The following MTHFS variants were observed in gnomAD, a reference collection of about 807,000 sequenced individuals.
MTHFS encodes methenyltetrahydrofolate synthetase.
MTHFS carries 7 observed loss-of-function variants against 12.7 expected under a neutral mutation model. The ratio of observed to expected loss-of-function variants is 0.55; its 90% CI spans 0.31 to 1.03. The LOEUF (loss-of-function observed/expected upper bound fraction) is 1.03. Among genes scored for constraint, MTHFS ranks in the 50% least tolerant of loss-of-function variants. The pLI is 0.05. For synonymous variants in MTHFS, 100 were observed against 97.1 expected (o/e 1.03, Z -0.18); for missense variants, 252 against 258.1 (o/e 0.98, Z 0.16).
chr15:79,896,855 T>A lies in MTHFS; in HGVS notation c.117+17A>T, dbSNP rs1488308041. 1.3e-6 allele frequency: 2 copies of A among 1,541,102 alleles called. No homozygotes were observed. Among genetic ancestry groups the A allele is most frequent in the Non-Finnish European group, 1.7e-6 (2 of 1,146,100 alleles). On this transcript the variant is annotated intron_variant, in intron 1 of 2. Transcript: ENST00000258874. ...AGGGTCTGTCCGCCGCGGCTTCCGC[T>A]ACGGGCGGCCTCGCACCTTCTGGCT...
chr15:79,855,909 G>C (rs540944638), intron 2 of MTHFS, among the ~76,000 whole-genome samples: 5 of 152,062 alleles, frequency 3.3e-5, no homozygotes, highest in Admixed American at 3.3e-4. Context: ...TCTTTATTCA[G>C]TCCACTATTG....
chr15:79,888,367 T>C (rs563003711), intron 2 of MTHFS, among the ~76,000 whole-genome samples: 67 of 152,306 alleles, frequency 4.4e-4, no homozygotes, highest in African/African-American at 1.6e-3. Context: ...CTAAGGGCAA[T>C]AGTAAGTCAC....
intron 2 of MTHFS, among the ~76,000 whole-genome samples, chr15:79,861,562 G>A (rs2033914022): frequency 6.6e-6 from 1 of 152,132 alleles, no homozygotes; most frequent in Admixed American, 6.5e-5. Context: ...TAAAAATTTA[G>A]AATTCATAGC....
At chr15:79,847,831 TA>T (rs1408568116) in intron 2 of MTHFS, among the ~76,000 whole-genome samples, 14 of 152,108 alleles carry the variant, frequency 9.2e-5, no homozygotes, top group Non-Finnish European at 1.6e-4. Context: ...GGATGTCCAA[TA>T]TCCAAAAAAT....
chr15:79,896,906 T>C lies in MTHFS; in HGVS notation c.83A>G (p.Glu28Gly). 1 of 1,542,632 alleles carries C rather than the reference T, an allele frequency of 6.5e-7. No homozygotes were observed. Among genetic ancestry groups the C allele is most frequent in the Non-Finnish European group, 8.7e-7 (1 of 1,146,230 alleles). The change falls in exon 1 of 3, where the codon GAG becomes GGG. Residue 28 changes from glutamate to glycine, a missense_variant. Physicochemically the swap from Glu to Gly is moderately conservative, Grantham distance 98. Coordinates refer to ENST00000258874, the MANE Select transcript of MTHFS (RefSeq NM_006441.4). ...CAGTACGCGGGACTGGCGTAGCCGC[T>C]CCTCGGCACTCATCGCCCGCAGACG... Reference protein sequence around the residue: ...KQRLRAMSAEERLRQSRVLSQ... With the variant: ...KQRLRAMSAEGRLRQSRVLSQ...
chr15:79,851,358 C>T (rs753364184), intron 2 of MTHFS, among the ~76,000 whole-genome samples: 7 of 151,808 alleles, frequency 4.6e-5, no homozygotes, highest in Non-Finnish European at 8.8e-5. Flanking sequence ...TTCTGTTTAC[C>T]GTGAAAAAAA....
intron 2 of MTHFS, among the ~76,000 whole-genome samples, chr15:79,886,156 CTTT>C (rs1166154844): frequency 2.0e-5 from 3 of 152,212 alleles, no homozygotes; most frequent in Admixed American, 6.5e-5. Flanking sequence ...AAAGCTCACT[CTTT>C]TCTAAGCTCT....
chr15:79,893,657 C>T (rs1191442080), intron 1 of MTHFS, among the ~76,000 whole-genome samples: 1 of 146,796 alleles, frequency 6.8e-6, no homozygotes, highest in African/African-American at 2.5e-5. Flanking sequence ...GAGATCACGC[C>T]ACTGCATAAC....
At chr15:79,847,245 T>TGGACAGAAGGATCAACCTGAGGAG (rs1399538462) in intron 2 of MTHFS, among the ~76,000 whole-genome samples, 7 of 152,012 alleles carry the variant, frequency 4.6e-5, no homozygotes, top group Non-Finnish European at 8.8e-5. Context: ...TTTACTCGCT[T>TGGACAGAAGGATCAACCTGAGGAG]GGACAGAAGG....
rs574014279 is a variant in MTHFS, at chr15:79,881,990, G to A, written c.379+7103C>T. Reference sequence around the variant, plus strand: ...AACTCAGGAGGCAATGTTCTCAATTGTCCAGAGAGGGAGGTCACCCAAAAT... The same window carrying A: ...AACTCAGGAGGCAATGTTCTCAATTATCCAGAGAGGGAGGTCACCCAAAAT... On this transcript the variant is annotated intron_variant, in intron 2 of 2. Coordinates refer to ENST00000258874, the MANE Select transcript of MTHFS (RefSeq NM_006441.4). Among the ~76,000 whole-genome samples, 110 of 152,340 alleles carry A rather than the reference G, an allele frequency of 7.2e-4. 1 individual carries two copies. Among genetic ancestry groups the A allele is most frequent in the African/African-American group, 2.5e-3 (105 of 41,586 alleles).
At chr15:79,891,304 T>C (rs77714264) in intron 1 of MTHFS, among the ~76,000 whole-genome samples, 7,984 of 152,106 alleles carry the variant, frequency 0.052, 269 homozygotes, top group Middle Eastern at 0.11. Flanking sequence ...CAAAGGATCA[T>C]CAAACATTTT....
intron 2 of MTHFS, among the ~76,000 whole-genome samples, chr15:79,875,369 T>A (rs1040239843): frequency 6.6e-6 from 1 of 150,746 alleles, no homozygotes; most frequent in Non-Finnish European, 1.5e-5. Context: ...GCAGTGAAAA[T>A]AACACATTCA....
At chr15:79,889,426 T>C in intron 1 of MTHFS, 72 bp from the exon 2 acceptor site, 1 of 1,276,102 alleles carries the variant, frequency 7.8e-7, no homozygotes, top group Non-Finnish European at 1.0e-6. Flanking sequence ...ATTCCTCCTT[T>C]CTCTCTCAGC....
At chr15:79,849,394 C>T (rs938980589) in intron 2 of MTHFS, among the ~76,000 whole-genome samples, 1 of 152,180 alleles carries the variant, frequency 6.6e-6, no homozygotes, top group African/African-American at 2.4e-5. Context: ...ACCCACCCCA[C>T]ACACACCCCT....
chr15:79,851,350 C>G (rs1163552183), intron 2 of MTHFS, among the ~76,000 whole-genome samples: 1 of 152,040 alleles, frequency 6.6e-6, no homozygotes, highest in African/African-American at 2.4e-5. Context: ...GAGCTCAGTT[C>G]TGTTTACCGT....
intron 2 of MTHFS, chr15:79,877,944 T>G (rs1193613495): frequency 6.6e-6 from 1 of 151,874 alleles, no homozygotes; most frequent in Admixed American, 6.6e-5. Context: ...AATAAGACAT[T>G]CCTAGATAAA....
chr15:79,878,230 T>C (rs1006221468), intron 2 of MTHFS: 1 of 151,966 alleles, frequency 6.6e-6, no homozygotes, highest in East Asian at 1.9e-4. Context: ...TCGTGTGAAT[T>C]AGGAGGACAA....
At chr15:79,885,292 G>A (rs1370100983) in intron 2 of MTHFS, among the ~76,000 whole-genome samples, 2 of 152,138 alleles carry the variant, frequency 1.3e-5, no homozygotes, top group Non-Finnish European at 2.9e-5. Context: ...ATTAAGTTAT[G>A]GCTCAGGTAA....
At chr15:79,896,749 G>A (rs552627668) in intron 1 of MTHFS, 123 bp downstream of exon 1, 1 of 1,377,916 alleles carries the variant, frequency 7.3e-7, no homozygotes, top group African/African-American at 1.7e-5. Flanking sequence ...ACGTGCGCGC[G>A]CCGGGGGGTG....
Sources: allele counts gnomAD v4.1 joint callset (sites outside exome capture counted in the v4.1 genomes callset), GRCh38; gene constraint gnomAD v4.1.1; transcripts MANE v1.5; gene names NCBI Gene and HGNC (gene_info 2026-07-23, HGNC 2026-07-21).